Variants in MYL11 observed in about 807,000 individuals in gnomAD.
The protein encoded by MYL11 is myosin regulatory light chain 11.
chr16:30,377,824 C>A, the MYL11 span: 29 of 1,614,140 alleles, frequency 1.8e-5, no homozygotes, highest in East Asian at 6.7e-5. Flanking sequence ...GCCTTCCCCC[C>A]CGACGTGGGC....
At chr16:30,372,427 C>G in the MYL11 span, 3 of 152,360 alleles carry the variant, frequency 2.0e-5, no homozygotes, top group African/African-American at 7.2e-5. Flanking sequence ...GACATCGGGT[C>G]CTAGAGGGAG....
At chr16:30,372,644 A>G in the MYL11 span, among the ~76,000 whole-genome samples, 1 of 151,124 alleles carries the variant, frequency 6.6e-6, no homozygotes, top group Non-Finnish European at 1.5e-5. Flanking sequence ...ACAGAAAGTG[A>G]CCAGCTGGCT....
chr16:30,376,297 T>C, the MYL11 span: 2 of 1,567,634 alleles, frequency 1.3e-6, no homozygotes, highest in East Asian at 2.2e-5. Flanking sequence ...GTTCCAGCCC[T>C]GTCAGCTCCA....
chr16:30,373,811 A>C, the MYL11 span, among the ~76,000 whole-genome samples: 20 of 151,706 alleles, frequency 1.3e-4, no homozygotes, highest in East Asian at 3.5e-3. Context: ...CCTCTCCTTG[A>C]AGGGAGGTAG....
chr16:30,371,020 C>T, the MYL11 span: 13 of 152,274 alleles, frequency 8.5e-5, no homozygotes, highest in Admixed American at 8.5e-4. Context: ...TAAGGAATGA[C>T]AGCTGGGAGG....
chr16:30,373,762 CAAA>C, the MYL11 span, among the ~76,000 whole-genome samples: 3 of 106,098 alleles, frequency 2.8e-5, no homozygotes, highest in Non-Finnish European at 4.0e-5. Flanking sequence ...GACTCCATCT[CAAA>C]AAAAAAAAAA....
the MYL11 span, chr16:30,377,820 C>A: frequency 1.2e-6 from 2 of 1,614,110 alleles, no homozygotes; most frequent in Non-Finnish European, 1.7e-6. Context: ...GGCGGCCTTC[C>A]CCCCCGACGT....
At chr16:30,377,580 C>CG in the MYL11 span, 3 of 1,367,370 alleles carry the variant, frequency 2.2e-6, no homozygotes, top group South Asian at 3.8e-5. Flanking sequence ...GGGCTGGCAT[C>CG]GGGGATGAGG....
chr16:30,376,504 C>A, the MYL11 span: 1 of 1,614,114 alleles, frequency 6.2e-7, no homozygotes, highest in Non-Finnish European at 8.5e-7. Context: ...GTCTTCCTGA[C>A]CATGTTCGGG....
the MYL11 span, chr16:30,376,609 G>A: frequency 6.2e-7 from 1 of 1,614,076 alleles, no homozygotes. Flanking sequence ...TGTGCCCTCT[G>A]ACCCCCACAG....
At chr16:30,373,570 C>T in the MYL11 span, among the ~76,000 whole-genome samples, 11 of 147,610 alleles carry the variant, frequency 7.5e-5, no homozygotes, top group Admixed American at 3.4e-4. Context: ...CACTCCAGCC[C>T]GGATAACAAA....
the MYL11 span, chr16:30,376,232 A>G: frequency 5.6e-6 from 9 of 1,612,494 alleles, no homozygotes; most frequent in East Asian, 1.8e-4. Flanking sequence ...TGAGCCCCCT[A>G]CCCCCAGGTG....
the MYL11 span, among the ~76,000 whole-genome samples, chr16:30,374,058 A>G: frequency 6.6e-6 from 1 of 152,120 alleles, no homozygotes; most frequent in East Asian, 1.9e-4. Context: ...CACACCTGTA[A>G]TCCCAGCACT....
At chr16:30,377,654 C>G in the MYL11 span, 1 of 1,516,468 alleles carries the variant, frequency 6.6e-7, no homozygotes, top group Non-Finnish European at 8.9e-7. Flanking sequence ...CTCTCTCCAG[C>G]CTGGAGGAGC....
At chr16:30,374,756 C>T in the MYL11 span, 11 of 1,470,540 alleles carry the variant, frequency 7.5e-6, no homozygotes, top group Non-Finnish European at 9.2e-6. Context: ...ATGTTAAGGG[C>T]TCCCTGGGGC....
chr16:30,376,141 C>G, the MYL11 span: 1 of 1,613,694 alleles, frequency 6.2e-7, no homozygotes, highest in Non-Finnish European at 8.5e-7. Context: ...ACGGCCCTCC[C>G]CAGGCCTTCA....
chr16:30,376,977 C>G, the MYL11 span, among the ~76,000 whole-genome samples: 1 of 152,166 alleles, frequency 6.6e-6, no homozygotes, highest in Non-Finnish European at 1.5e-5. Flanking sequence ...CTTTGGGAGG[C>G]CAAGGCGGGC....
chr16:30,377,487 CA>C, the MYL11 span: 2 of 589,516 alleles, frequency 3.4e-6, no homozygotes, highest in African/African-American at 3.7e-5. Context: ...ATTTTCACAG[CA>C]AATGTGGGCG....
chr16:30,377,781 T>C, the MYL11 span: 1 of 1,613,530 alleles, frequency 6.2e-7, no homozygotes, highest in Non-Finnish European at 8.5e-7. Context: ...GAGACGCCCC[T>C]ACGTCTTTCC....
Sources: allele counts gnomAD v4.1 joint callset (sites outside exome capture counted in the v4.1 genomes callset), GRCh38; gene constraint gnomAD v4.1.1; transcripts MANE v1.5; gene names NCBI Gene and HGNC (gene_info 2026-07-23, HGNC 2026-07-21).